Variants in KCNIP4 observed in about 807,000 individuals in gnomAD.
KCNIP4 encodes the protein Kv channel-interacting protein 4.
A neutral mutation model predicts 34.0 loss-of-function variants in KCNIP4; 12 were observed. The observed-to-expected ratio is 0.35, with a 90% confidence interval of 0.23 to 0.57. The LOEUF is 0.57. Among genes scored for constraint, KCNIP4 ranks in the 20% least tolerant of loss-of-function variants. The pLI is 0.83. For synonymous variants in KCNIP4, 124 were observed against 102.2 expected (o/e 1.21, Z -1.29); for missense variants, 238 against 311.7 (o/e 0.76, Z 1.78).
chr4:21,079,349 A>G (rs933129736), intron 1 of KCNIP4, among the ~76,000 whole-genome samples: 2 of 152,132 alleles, frequency 1.3e-5, no homozygotes, highest in Non-Finnish European at 2.9e-5. Context: ...TGGAGATTAT[A>G]TATTTAAAAT....
At chr4:21,020,498 C>T (rs1739938722) in intron 1 of KCNIP4, among the ~76,000 whole-genome samples, 1 of 152,180 alleles carries the variant, frequency 6.6e-6, no homozygotes, top group Non-Finnish European at 1.5e-5. Context: ...TAAACACCCT[C>T]TGCACCCTAG....
chr4:21,664,523 T>TG (rs956922328), intron 1 of KCNIP4, among the ~76,000 whole-genome samples: 7 of 152,170 alleles, frequency 4.6e-5, no homozygotes, highest in African/African-American at 1.7e-4. Context: ...AAATGGCTTA[T>TG]GGTGAGTTAA....
intron 1 of KCNIP4, among the ~76,000 whole-genome samples, chr4:21,593,163 A>G (rs575774269): frequency 5.3e-5 from 8 of 151,524 alleles, no homozygotes; most frequent in Admixed American, 5.3e-4. Context: ...ACAGAGTGAA[A>G]AAAAAAAGTC....
intron 1 of KCNIP4, among the ~76,000 whole-genome samples, chr4:21,520,681 A>G (rs951053703): frequency 5.3e-5 from 8 of 152,182 alleles, no homozygotes; most frequent in African/African-American, 1.9e-4. Flanking sequence ...TTTGCAAGAC[A>G]ATCTATTTCT....
intron 1 of KCNIP4, among the ~76,000 whole-genome samples, chr4:21,744,096 A>C (rs1051034053): frequency 1.3e-5 from 2 of 152,132 alleles, no homozygotes; most frequent in Non-Finnish European, 2.9e-5. Context: ...CAAATGATGT[A>C]AGGTTAAGGA....
At chr4:21,571,426 A>G (rs772678536) in intron 1 of KCNIP4, among the ~76,000 whole-genome samples, 11 of 152,170 alleles carry the variant, frequency 7.2e-5, no homozygotes, top group Non-Finnish European at 1.5e-4. Context: ...CAGAAATGCA[A>G]ATCTGTAGGC....
At chr4:21,213,601 C>G (rs7680275) in intron 1 of KCNIP4, among the ~76,000 whole-genome samples, 4,472 of 152,088 alleles carry the variant, frequency 0.029, 211 homozygotes, top group African/African-American at 0.1. Flanking sequence ...CATGCACGGC[C>G]GAAAGCACTA....
intron 1 of KCNIP4, among the ~76,000 whole-genome samples, chr4:21,174,718 A>G (rs374105713): frequency 1.3e-5 from 2 of 152,040 alleles, no homozygotes; most frequent in South Asian, 2.1e-4. Context: ...CAGCCTGGCC[A>G]ACATGGTGAA....
At chr4:20,925,684 C>T (rs1236213214) in intron 1 of KCNIP4, among the ~76,000 whole-genome samples, 1 of 152,166 alleles carries the variant, frequency 6.6e-6, no homozygotes, top group Non-Finnish European at 1.5e-5. Context: ...TCCAAGAACC[C>T]TCTCTTGGGG....
intron 1 of KCNIP4, among the ~76,000 whole-genome samples, chr4:21,067,499 T>C (rs1485941015): frequency 6.6e-6 from 1 of 152,140 alleles, no homozygotes; most frequent in African/African-American, 2.4e-5. Context: ...CATCTCTGGG[T>C]CTGCCCGGCA....
chr4:21,102,185 A>G (rs768495188), intron 1 of KCNIP4, among the ~76,000 whole-genome samples: 2 of 152,206 alleles, frequency 1.3e-5, no homozygotes, highest in Middle Eastern at 3.2e-3. Context: ...TTTGGAAAAC[A>G]TTAGAAAAAA....
chr4:21,417,621 T>A (rs116035495), intron 1 of KCNIP4, among the ~76,000 whole-genome samples: 2,852 of 152,204 alleles, frequency 0.019, 89 homozygotes, highest in African/African-American at 0.065. Context: ...GGAGGTCACA[T>A]TGGCCCACCC....
chr4:20,736,429 T>C (rs1243092848), intron 5 of KCNIP4, among the ~76,000 whole-genome samples: 2 of 152,222 alleles, frequency 1.3e-5, no homozygotes, highest in Non-Finnish European at 2.9e-5. Flanking sequence ...AACTAGTTGT[T>C]TGTATGTATG....
chr4:21,374,918 T>C lies in KCNIP4; in HGVS notation c.62-492209A>G, dbSNP rs1401150502. Among the ~76,000 whole-genome samples, 3 of 147,528 alleles carry C rather than the reference T, an allele frequency of 2.0e-5. 1 individual carries two copies. The highest frequency in any genetic ancestry group is 8.1e-5 in the African/African-American group (3 of 37,134). ...CCATGGAAAGCATTTCTTGGACTTA[T>C]TTATACCATCAGTACCCTAATGACA... On this transcript the variant is annotated intron_variant, in intron 1 of 8. Transcript: ENST00000382152.
chr4:20,840,441 T>C (rs1719579491), intron 3 of KCNIP4, among the ~76,000 whole-genome samples: 1 of 152,148 alleles, frequency 6.6e-6, no homozygotes, highest in South Asian at 2.1e-4. Context: ...CCTGAGTACA[T>C]AGGAAGACGT....
At chr4:21,248,379 G>A (rs376712150) in intron 1 of KCNIP4, among the ~76,000 whole-genome samples, 8 of 151,978 alleles carry the variant, frequency 5.3e-5, no homozygotes, top group African/African-American at 1.2e-4. Flanking sequence ...TATAAAGATC[G>A]TCTTTAAAAT....
At chr4:21,812,817 C>T (rs146993708) in intron 1 of KCNIP4, among the ~76,000 whole-genome samples, 1 of 152,274 alleles carries the variant, frequency 6.6e-6, no homozygotes, top group East Asian at 1.9e-4. Context: ...TGGTCAAAAT[C>T]ACTGGTTTAC....
At chr4:20,766,408 A>T (rs188317192) in intron 3 of KCNIP4, among the ~76,000 whole-genome samples, 15 of 152,304 alleles carry the variant, frequency 9.8e-5, no homozygotes, top group Admixed American at 9.2e-4. Flanking sequence ...TGTACTAAAA[A>T]TACAAAAATT....
chr4:21,252,632 A>G lies in KCNIP4; in HGVS notation c.62-369923T>C, dbSNP rs191073174. 6.4e-4 allele frequency among the ~76,000 whole-genome samples: 98 copies of G among 152,300 alleles called. 1 individual carries two copies. In the Middle Eastern group the frequency reaches 0.01, roughly 16 times the overall value. ...GTCCAACTAAAAATAATAAAAAAAG[A>G]AGGTGAAAAATTTCCCCATGCTGTC... On this transcript the variant is annotated intron_variant, in intron 1 of 8. Coordinates refer to ENST00000382152, the MANE Select transcript of KCNIP4 (RefSeq NM_025221.6).
Sources: gnomAD v4.1 joint callset for allele counts (sites outside exome capture counted in the v4.1 genomes callset) on GRCh38, gnomAD v4.1.1 for gene constraint, MANE v1.5 for transcripts, NCBI Gene and HGNC (gene_info 2026-07-23, HGNC 2026-07-21) for gene names.